CDH8: variants seen among roughly 807,000 people sequenced by gnomAD.
CDH8 encodes the protein cadherin-8.
A neutral mutation model predicts 68.1 loss-of-function variants in CDH8; 17 were observed. The ratio of observed to expected loss-of-function variants is 0.25; its 90% CI spans 0.17 to 0.37. CDH8 has a LOEUF of 0.37. CDH8 is among the 10% of genes least tolerant of loss of function. CDH8 has a pLI of 1.00. For missense variants in CDH8, 763 were observed against 999.3 expected, an observed-to-expected ratio of 0.76 and a Z score of 3.19; for synonymous variants, 372 against 365.1, an observed-to-expected ratio of 1.02 and a Z score of -0.21.
At chr16:61,940,815 A>C (rs981997736) in intron 2 of CDH8, 3 of 152,206 alleles carry the variant, frequency 2.0e-5, no homozygotes, top group African/African-American at 7.2e-5. Flanking sequence ...TTGGAAATAA[A>C]ATGCAATACG....
At chr16:61,724,141 A>T (rs1168582587) in intron 9 of CDH8, among the ~76,000 whole-genome samples, 1 of 150,750 alleles carries the variant, frequency 6.6e-6, no homozygotes, top group Admixed American at 6.6e-5. Flanking sequence ...TTATGGTTAC[A>T]CTTTTGAGAA....
intron 1 of CDH8, among the ~76,000 whole-genome samples, chr16:62,031,331 T>C (rs1005166843): frequency 4.6e-5 from 7 of 152,210 alleles, no homozygotes; most frequent in Admixed American, 3.3e-4. Context: ...GGAGGACTTA[T>C]GAAATTTCTG....
intron 8 of CDH8, among the ~76,000 whole-genome samples, chr16:61,768,351 T>TCC (rs1960663317): frequency 1.8e-5 from 2 of 112,382 alleles, no homozygotes; most frequent in African/African-American, 3.6e-5. Context: ...TCTCTCTCTC[T>TCC]CTCTCTCTCT....
At chr16:61,718,493 T>C (rs1029484662) in intron 9 of CDH8, among the ~76,000 whole-genome samples, 3 of 151,274 alleles carry the variant, frequency 2.0e-5, no homozygotes, top group Non-Finnish European at 3.0e-5. Context: ...TATAATGATA[T>C]GAATTGTAAG....
intron 10 of CDH8, 123 bp downstream of exon 10, chr16:61,713,718 T>C: frequency 1.6e-6 from 1 of 607,556 alleles, no homozygotes; most frequent in African/African-American, 1.9e-5. Flanking sequence ...ACTGATAAGC[T>C]GAATTTCAAG....
chr16:61,787,908 A>G (rs1037299850), intron 8 of CDH8, among the ~76,000 whole-genome samples: 4 of 110,098 alleles, frequency 3.6e-5, no homozygotes, highest in African/African-American at 1.1e-4. Context: ...ACATGGACAC[A>G]GGAAGGGGAA....
At chr16:61,993,086 A>T (rs982500695) in intron 2 of CDH8, among the ~76,000 whole-genome samples, 2 of 152,168 alleles carry the variant, frequency 1.3e-5, no homozygotes, top group African/African-American at 2.4e-5. Flanking sequence ...TGCCTGACTG[A>T]CCCAAAGACA....
At chr16:61,707,660 C>A (rs1371656516) in intron 10 of CDH8, among the ~76,000 whole-genome samples, 1 of 152,056 alleles carries the variant, frequency 6.6e-6, no homozygotes, top group Non-Finnish European at 1.5e-5. Context: ...CACGTATGCC[C>A]AATGTTGTAT....
chr16:61,741,016 A>G (rs1959860072), intron 8 of CDH8, among the ~76,000 whole-genome samples: 1 of 152,146 alleles, frequency 6.6e-6, no homozygotes, highest in African/African-American at 2.4e-5. Context: ...CACTGTACTA[A>G]AGATCAAGCT....
At chr16:61,703,056 T>C (rs1964462287) in intron 10 of CDH8, among the ~76,000 whole-genome samples, 1 of 152,196 alleles carries the variant, frequency 6.6e-6, no homozygotes, top group Non-Finnish European at 1.5e-5. Flanking sequence ...AAATTTGTCT[T>C]AAAATAATTA....
At chr16:61,757,396 T>A (rs1445126490) in intron 8 of CDH8, among the ~76,000 whole-genome samples, 2 of 152,128 alleles carry the variant, frequency 1.3e-5, no homozygotes, top group Non-Finnish European at 2.9e-5. Context: ...CTATTAATAC[T>A]TAATGATAAA....
chr16:61,655,591 C>A lies in CDH8; in HGVS notation c.1785G>T (p.Arg595Ser). 3 of 1,614,128 alleles carry A rather than the reference C, an allele frequency of 1.9e-6. No homozygotes were observed. The highest frequency in any genetic ancestry group is 2.5e-6 in the Non-Finnish European group (3 of 1,180,018). ...PLSSTSTLTI[R>S]VCGCSNDGVV... ...CACCGTCATTGCTGCAGCCACAGACCCTGATTGTCAAGGTGCTAGTGCTGC... is the reference window on the plus strand; with the variant it reads ...CACCGTCATTGCTGCAGCCACAGACACTGATTGTCAAGGTGCTAGTGCTGC... Residue 595 changes from arginine (R) to serine (S), a missense_variant, in exon 11 of 12, where the codon AGG becomes AGT. By Grantham distance (110) the Arg-to-Ser change is moderately radical. Transcript: ENST00000577390.
At chr16:61,986,689 G>T (rs1319617384) in intron 2 of CDH8, among the ~76,000 whole-genome samples, 1 of 152,178 alleles carries the variant, frequency 6.6e-6, no homozygotes, top group African/African-American at 2.4e-5. Flanking sequence ...GGGAGTCCAA[G>T]ACTGTATGAA....
At chr16:61,740,763 A>T (rs997295737) in intron 8 of CDH8, among the ~76,000 whole-genome samples, 1 of 152,322 alleles carries the variant, frequency 6.6e-6, no homozygotes, top group African/African-American at 2.4e-5. Flanking sequence ...TTGTATGAAT[A>T]TACCACAATT....
chr16:61,897,028 T>C (rs74023291), intron 3 of CDH8, among the ~76,000 whole-genome samples: 4,016 of 150,244 alleles, frequency 0.027, 176 homozygotes, highest in African/African-American at 0.091. Flanking sequence ...TTTTGGAAGA[T>C]ATGTCGCAGG....
intron 2 of CDH8, among the ~76,000 whole-genome samples, chr16:61,919,747 T>C (rs1964326261): frequency 6.6e-6 from 1 of 152,152 alleles, no homozygotes; most frequent in African/African-American, 2.4e-5. Flanking sequence ...CTCTGCAGGA[T>C]ATTATCCAGG....
At chr16:61,907,225 G>A (rs1964076313) in intron 2 of CDH8, among the ~76,000 whole-genome samples, 1 of 152,060 alleles carries the variant, frequency 6.6e-6, no homozygotes, top group Non-Finnish European at 1.5e-5. Flanking sequence ...AGATCAGACT[G>A]GGCCACTCTG....
At chr16:61,668,668 GA>G (rs10650925) in intron 10 of CDH8, among the ~76,000 whole-genome samples, 4,897 of 139,656 alleles carry the variant, frequency 0.035, 115 homozygotes, top group African/African-American at 0.044. Context: ...AACCACTTAG[GA>G]AAAAAAAAAA....
intron 8 of CDH8, among the ~76,000 whole-genome samples, chr16:61,769,202 C>A (rs536415595): frequency 1.3e-5 from 2 of 151,700 alleles, no homozygotes; most frequent in African/African-American, 4.8e-5. Flanking sequence ...CCTTGCAGAA[C>A]GCTTAAAAAT....
Sources: gnomAD v4.1 joint callset for allele counts (sites outside exome capture counted in the v4.1 genomes callset) on GRCh38, gnomAD v4.1.1 for gene constraint, MANE v1.5 for transcripts, NCBI Gene and HGNC (gene_info 2026-07-23, HGNC 2026-07-21) for gene names.